Variants in MAGI2 observed in about 807,000 individuals in gnomAD.
MAGI2 encodes membrane-associated guanylate kinase, WW and PDZ domain-containing protein 2.
Under a neutral mutation model 133.3 loss-of-function variants are expected in MAGI2, and 35 were observed. The observed-to-expected ratio is 0.26, with a 90% CI of 0.20 to 0.35. The LOEUF (loss-of-function observed/expected upper bound fraction) is 0.35, where lower values mean the gene tolerates loss of function less well. Ranked by LOEUF, MAGI2 falls within the 10% of genes least tolerant of loss-of-function variation. The pLI, the probability that MAGI2 is intolerant of heterozygous loss-of-function variation, is 1.00. For synonymous variants in MAGI2, 729 were observed against 710.6 expected (o/e 1.03, Z -0.41); for missense variants, 1,636 against 1,863.4 (o/e 0.88, Z 2.25).
chr7:79,208,920 A>G (rs1829279579), intron 1 of MAGI2, among the ~76,000 whole-genome samples: 1 of 152,058 alleles, frequency 6.6e-6, no homozygotes, highest in South Asian at 2.1e-4. Flanking sequence ...ATTAACCAGG[A>G]TAGAAAGACA....
At chr7:79,229,788 T>A (rs183613651) in intron 1 of MAGI2, among the ~76,000 whole-genome samples, 1,641 of 152,236 alleles carry the variant, frequency 0.011, 30 homozygotes, top group African/African-American at 0.037. Context: ...TTAAGTTTTT[T>A]TAAAAATTTT....
intron 6 of MAGI2, among the ~76,000 whole-genome samples, chr7:78,449,067 T>C (rs559535922): frequency 1.8e-4 from 27 of 152,216 alleles, no homozygotes; most frequent in South Asian, 2.1e-4. Flanking sequence ...AACATTGTTA[T>C]CTCTCAACCC....
chr7:78,019,330 C>A lies in MAGI2; in HGVS notation c.4353G>T (p.Ser1451=), dbSNP rs576579796. The change falls in exon 22 of 22, where the codon TCG becomes TCT. Residue 1451 remains serine (S), a synonymous_variant. Transcript: ENST00000354212. ...KLPSVLKPGA[S]AASR ...GCCGCGCGGCTCATCTGCTGGCGGC[C>A]GAGGCGCCGGGTTTGAGGACGCTGG... 3 of 1,548,160 alleles carry A rather than the reference C, an allele frequency of 1.9e-6. No homozygotes were observed. Among genetic ancestry groups the A allele is most frequent in the Non-Finnish European group, 2.6e-6 (3 of 1,156,828 alleles).
intron 9 of MAGI2, chr7:78,285,830 A>G (rs1796093262): frequency 6.6e-6 from 1 of 152,166 alleles, no homozygotes; most frequent in African/African-American, 2.4e-5. Context: ...AGTGTGAATA[A>G]CAAGCCTCTA....
intron 2 of MAGI2, among the ~76,000 whole-genome samples, chr7:78,776,034 A>G (rs1048922432): frequency 6.6e-5 from 10 of 152,206 alleles, no homozygotes; most frequent in Non-Finnish European, 1.3e-4. Flanking sequence ...GTGTGACCAA[A>G]GGCAAGTCAT....
intron 1 of MAGI2, among the ~76,000 whole-genome samples, chr7:79,322,592 C>T (rs1295639593): frequency 6.6e-6 from 1 of 151,886 alleles, no homozygotes; most frequent in African/African-American, 2.4e-5. Flanking sequence ...TTGAGACCAG[C>T]CTGGTCAACA....
At chr7:78,975,114 A>G (rs1308706204) in intron 2 of MAGI2, among the ~76,000 whole-genome samples, 2 of 151,752 alleles carry the variant, frequency 1.3e-5, no homozygotes, top group Non-Finnish European at 2.9e-5. Flanking sequence ...CCAGTGATTG[A>G]AAAACCAAGC....
At chr7:79,034,529 G>T (rs1259419695) in intron 1 of MAGI2, among the ~76,000 whole-genome samples, 2 of 151,954 alleles carry the variant, frequency 1.3e-5, no homozygotes, top group Non-Finnish European at 2.9e-5. Context: ...ATTTCCTGTT[G>T]TTTTTTTCAA....
At chr7:78,882,297 C>T (rs1223618541) in intron 2 of MAGI2, among the ~76,000 whole-genome samples, 1 of 151,664 alleles carries the variant, frequency 6.6e-6, no homozygotes, top group Non-Finnish European at 1.5e-5. Context: ...TAACATACAA[C>T]TTCCCAAAAT....
chr7:78,318,819 C>T (rs1226654760), intron 9 of MAGI2, among the ~76,000 whole-genome samples: 1 of 152,194 alleles, frequency 6.6e-6, no homozygotes, highest in Non-Finnish European at 1.5e-5. Flanking sequence ...CGATATTCAA[C>T]ATTCTTAAAA....
intron 1 of MAGI2, among the ~76,000 whole-genome samples, chr7:79,444,589 A>C (rs2129200957): frequency 6.6e-6 from 1 of 152,098 alleles, no homozygotes; most frequent in African/African-American, 2.4e-5. Flanking sequence ...TAAAATACCT[A>C]GGAATCCACC....
chr7:78,640,603 A>C (rs1326556804), intron 2 of MAGI2, among the ~76,000 whole-genome samples: 1 of 143,254 alleles, frequency 7.0e-6, no homozygotes, highest in Non-Finnish European at 1.5e-5. Context: ...TAATAGAGAC[A>C]TAATACAAAA....
At chr7:78,446,409 G>C (rs569115108) in intron 6 of MAGI2, among the ~76,000 whole-genome samples, 5 of 152,230 alleles carry the variant, frequency 3.3e-5, no homozygotes, top group Non-Finnish European at 5.9e-5. Flanking sequence ...ATGAGAGAGA[G>C]AGGTGTGAAC....
intron 2 of MAGI2, among the ~76,000 whole-genome samples, chr7:78,913,830 A>G (rs1409909830): frequency 6.6e-6 from 1 of 152,176 alleles, no homozygotes; most frequent in Non-Finnish European, 1.5e-5. Context: ...GGAAATGACA[A>G]TTAAAAAGTG....
chr7:78,595,233 T>G (rs1804471346), intron 3 of MAGI2, among the ~76,000 whole-genome samples: 3 of 152,154 alleles, frequency 2.0e-5, no homozygotes, highest in African/African-American at 7.2e-5. Context: ...TCCCAAATTG[T>G]TGCCATGCTG....
intron 2 of MAGI2, among the ~76,000 whole-genome samples, chr7:78,816,552 G>A (rs970965234): frequency 6.6e-6 from 1 of 152,172 alleles, no homozygotes. Flanking sequence ...TCCAGCTGGT[G>A]ACTTTAAGTT....
At chr7:78,449,240 G>C (rs956580886) in intron 6 of MAGI2, among the ~76,000 whole-genome samples, 5 of 151,980 alleles carry the variant, frequency 3.3e-5, no homozygotes, top group African/African-American at 9.7e-5. Flanking sequence ...AGTTAGAAGA[G>C]AGACTGTATG....
chr7:78,196,385 T>G (rs1021125730), intron 11 of MAGI2, among the ~76,000 whole-genome samples: 1 of 152,212 alleles, frequency 6.6e-6, no homozygotes. Context: ...CAGTGCATAG[T>G]TAGTACTCAG....
At chr7:78,858,684 T>C (rs1354405816) in intron 2 of MAGI2, among the ~76,000 whole-genome samples, 1 of 152,220 alleles carries the variant, frequency 6.6e-6, no homozygotes, top group African/African-American at 2.4e-5. Flanking sequence ...ATGTGGTCAA[T>C]TTTGGAATAA....
Sources: allele counts gnomAD v4.1 joint callset (sites outside exome capture counted in the v4.1 genomes callset), GRCh38; gene constraint gnomAD v4.1.1; transcripts MANE v1.5; gene names NCBI Gene and HGNC (gene_info 2026-07-23, HGNC 2026-07-21).